Variants in ECT2L observed in about 807,000 individuals in gnomAD.
ECT2L encodes the protein epithelial cell-transforming sequence 2 oncogene-like.
ECT2L carries 126 observed loss-of-function variants against 122.8 expected under a neutral mutation model. The observed-to-expected ratio is 1.03, with a 90% CI of 0.89 to 1.19. The LOEUF is 1.19. ECT2L is among the 50% of genes most tolerant of loss of function. ECT2L has a pLI of 0.00. For synonymous variants in ECT2L, 385 were observed against 381.8 expected (o/e 1.01, Z -0.10); for missense variants, 1,012 against 1,064.1 (o/e 0.95, Z 0.68).
Position 138,885,744 on chromosome 6 carries a change from C to T in ECT2L, c.2173C>T (p.Leu725Phe). 1 of 1,614,172 alleles carries T rather than the reference C, an allele frequency of 6.2e-7. No homozygotes were observed. Residue 725 changes from leucine (L) to phenylalanine (F), a missense_variant, in exon 18 of 22, where the codon CTT (leucine) becomes TTT (phenylalanine). Physicochemically the swap from Leu to Phe is conservative, Grantham distance 22. Coordinates refer to ENST00000541398, the MANE Select transcript of ECT2L (RefSeq NM_001077706.3). ...EYLNLLYAVR[L>F]HTPAEHVDRG... is the part of the protein sequence containing the mutation. ...CCTTAATCTTCTCTACGCTGTCAGG[C>T]TTCATACCCCTGCAGAGCATGTTGA...
intron 20 of ECT2L, among the ~76,000 whole-genome samples, chr6:138,898,074 T>C (rs62440951): frequency 6.6e-6 from 1 of 151,460 alleles, no homozygotes; most frequent in African/African-American, 2.4e-5. Flanking sequence ...AAAAAAAAAT[T>C]GCTCCCCTTC....
At chr6:138,834,935 A>ACACACACTCTCTCT (rs5880405) in intron 4 of ECT2L, among the ~76,000 whole-genome samples, 17 of 142,868 alleles carry the variant, frequency 1.2e-4, no homozygotes, top group African/African-American at 3.7e-4. Flanking sequence ...ACACACACAC[A>ACACACACTCTCTCT]CTCTCATTCT....
chr6:138,867,655 CAAAA>C (rs71009601), intron 12 of ECT2L, among the ~76,000 whole-genome samples: 2,770 of 114,366 alleles, frequency 0.024, 70 homozygotes, highest in African/African-American at 0.089. Context: ...CCTAAAACTA[CAAAA>C]AAAAAAAAAA....
At chr6:138,827,181 T>C (rs1024120854) in intron 4 of ECT2L, among the ~76,000 whole-genome samples, 4 of 152,124 alleles carry the variant, frequency 2.6e-5, no homozygotes, top group African/African-American at 7.2e-5. Context: ...ACCCTGTCTC[T>C]ACTAAAGATA....
At chr6:138,889,615 C>G (rs1335264004) in intron 20 of ECT2L, among the ~76,000 whole-genome samples, 1 of 152,134 alleles carries the variant, frequency 6.6e-6, no homozygotes, top group Non-Finnish European at 1.5e-5. Context: ...CCACTGCACC[C>G]GGCCACTTTT....
At chr6:138,879,517 T>C (rs1340775628) in intron 14 of ECT2L, 1 of 152,220 alleles carries the variant, frequency 6.6e-6, no homozygotes, top group Non-Finnish European at 1.5e-5. Context: ...ATTTTATAGC[T>C]TTTGAAATAT....
chr6:138,803,379 C>A (rs1775611084), intron 1 of ECT2L, among the ~76,000 whole-genome samples: 1 of 151,852 alleles, frequency 6.6e-6, no homozygotes. Flanking sequence ...TTAAGCCCAC[C>A]AGCAGAGACA....
rs375513872 is a variant in ECT2L, at chr6:138,886,926, T to G, written c.2325+4T>G. 29 of 1,610,670 alleles carry G rather than the reference T, an allele frequency of 1.8e-5. No homozygotes were observed. In the African/African-American group the frequency reaches 3.5e-4, roughly 19 times the overall value. On this transcript the variant is annotated splice_donor_region_variant and intron_variant, in intron 19 of 21. Transcript: ENST00000541398. ...GAGAATCATCTGGGGATGCCCTGTA[T>G]GTATTCTTAGGAACTTGCTGTATCT...
intron 1 of ECT2L, among the ~76,000 whole-genome samples, chr6:138,799,585 C>T (rs1449723983): frequency 2.0e-5 from 3 of 151,920 alleles, no homozygotes; most frequent in Non-Finnish European, 4.4e-5. Context: ...CAGGGTCTCA[C>T]TGTATCGCCC....
chr6:138,901,115 C>T lies in ECT2L; in HGVS notation c.2582C>T (p.Ser861Phe), dbSNP rs755051613. ...TTACTCATAGAAAATATTCCAGATT[C>T]CAAGTGTATGTATTCTTTTCCTTCC... ...HRLLIENIPD[S>F]KYVKNAFILQ... Residue 861 changes from serine to phenylalanine, a missense_variant, in exon 21 of 22, where the codon TCC (serine) becomes TTC (phenylalanine). Physicochemically the swap from Ser to Phe is radical, Grantham distance 155. Coordinates refer to ENST00000541398, the MANE Select transcript of ECT2L (RefSeq NM_001077706.3). The T allele has an allele frequency of 6.2e-7, 1 of 1,613,710 alleles. No individual in the cohort carries two copies. The highest frequency in any genetic ancestry group is 8.5e-7 in the Non-Finnish European group (1 of 1,179,872).
intron 20 of ECT2L, among the ~76,000 whole-genome samples, chr6:138,900,283 G>A (rs1371834707): frequency 1.3e-5 from 2 of 151,216 alleles, no homozygotes; most frequent in African/African-American, 4.9e-5. Flanking sequence ...GTCTCGCCCT[G>A]TCACCCAGGC....
chr6:138,808,449 A>G (rs1417789323), intron 1 of ECT2L, among the ~76,000 whole-genome samples: 1 of 151,828 alleles, frequency 6.6e-6, no homozygotes, highest in African/African-American at 2.4e-5. Flanking sequence ...TGGTCTTGCT[A>G]TGTTGCACGG....
At chr6:138,811,852 C>A (rs749627903) in intron 1 of ECT2L, among the ~76,000 whole-genome samples, 1 of 151,908 alleles carries the variant, frequency 6.6e-6, no homozygotes, top group Non-Finnish European at 1.5e-5. Context: ...CTATGCCCGG[C>A]CAATTTTTGT....
intron 1 of ECT2L, among the ~76,000 whole-genome samples, chr6:138,804,105 G>A (rs1177303904): frequency 2.6e-5 from 4 of 152,324 alleles, no homozygotes; most frequent in South Asian, 2.1e-4. Context: ...TGGAGACAGC[G>A]AGAGCTGTGG....
chr6:138,810,405 T>G (rs574159176), intron 1 of ECT2L, among the ~76,000 whole-genome samples: 3 of 152,278 alleles, frequency 2.0e-5, no homozygotes, highest in African/African-American at 7.2e-5. Context: ...TGGAAAAACA[T>G]CTCAGGGAAG....
chr6:138,799,156 T>G (rs1462481388), intron 1 of ECT2L, among the ~76,000 whole-genome samples: 1 of 152,234 alleles, frequency 6.6e-6, no homozygotes, highest in Non-Finnish European at 1.5e-5. Context: ...TTAATATCCT[T>G]TTATATCCAA....
chr6:138,829,240 A>G (rs143626839), intron 4 of ECT2L, among the ~76,000 whole-genome samples: 4 of 152,164 alleles, frequency 2.6e-5, no homozygotes, highest in Non-Finnish European at 5.9e-5. Context: ...GACTTGGGAT[A>G]CCATTTCCCC....
chr6:138,854,011 AT>A lies in ECT2L; in HGVS notation c.1070-7del, dbSNP rs150276683. On this transcript the variant is annotated splice_polypyrimidine_tract_variant and intron_variant, in intron 9 of 21. Coordinates refer to ENST00000541398, the MANE Select transcript of ECT2L (RefSeq NM_001077706.3). ...TGTTACAAGCTAATATGACATTTTGATTTTTTTTCCTCAGGCTATAAAATTG... is the reference window on the plus strand; with the variant it reads ...TGTTACAAGCTAATATGACATTTTGATTTTTTTCCTCAGGCTATAAAATTG... The A allele has an allele frequency of 1.9e-6, 3 of 1,610,432 alleles. No individual in the cohort carries two copies. Among genetic ancestry groups the A allele is most frequent in the Admixed American group, 1.7e-5 (1 of 59,374 alleles).
chr6:138,888,709 C>T (rs1484159961), intron 19 of ECT2L, among the ~76,000 whole-genome samples: 1 of 152,148 alleles, frequency 6.6e-6, no homozygotes, highest in African/African-American at 2.4e-5. Context: ...ATCATGTCAG[C>T]AGTTTTAAAA....
Sources: allele counts gnomAD v4.1 joint callset (sites outside exome capture counted in the v4.1 genomes callset), GRCh38; gene constraint gnomAD v4.1.1; transcripts MANE v1.5; gene names NCBI Gene and HGNC (gene_info 2026-07-23, HGNC 2026-07-21).